ACAD11: variants seen among roughly 807,000 people sequenced by gnomAD.
The protein encoded by ACAD11 is acyl-CoA dehydrogenase family member 11, also known as acyl-Coenzyme A dehydrogenase family, member 11.
In ACAD11, 83 loss-of-function variants were observed where a neutral mutation model predicts 102.2. That is an observed-to-expected ratio of 0.81 (90% CI 0.68 to 0.97). The LOEUF (loss-of-function observed/expected upper bound fraction) is 0.97. Ranked by LOEUF, ACAD11 falls within the 50% of genes least tolerant of loss-of-function variation. The pLI is 0.00. For missense variants in ACAD11, 901 were observed against 951.7 expected (o/e 0.95, Z 0.70); for synonymous variants, 324 against 319.8 (o/e 1.01, Z -0.14).
At chr3:132,589,879 C>T (rs1305093013) in intron 13 of ACAD11, among the ~76,000 whole-genome samples, 2 of 152,136 alleles carry the variant, frequency 1.3e-5, no homozygotes, top group African/African-American at 4.8e-5. Flanking sequence ...CCTCCACCCT[C>T]AAGCAGACCT....
intron 17 of ACAD11, among the ~76,000 whole-genome samples, chr3:132,569,478 C>CT (rs1937314905): frequency 6.6e-6 from 1 of 152,104 alleles, no homozygotes. Flanking sequence ...GCATTTATCT[C>CT]TGAGAAACGA....
At chr3:132,626,892 G>T in intron 8 of ACAD11, 75 bp from the exon 9 acceptor site, 1 of 1,449,468 alleles carries the variant, frequency 6.9e-7, no homozygotes. Flanking sequence ...CTAATATAAT[G>T]TGAAGTTTCC....
chr3:132,648,225 G>A (rs983636962), intron 1 of ACAD11, among the ~76,000 whole-genome samples: 2 of 152,106 alleles, frequency 1.3e-5, no homozygotes, highest in Non-Finnish European at 2.9e-5. Flanking sequence ...CCAAAGCTAT[G>A]CCTTTCCACC....
intron 15 of ACAD11, among the ~76,000 whole-genome samples, chr3:132,577,623 G>A (rs896784156): frequency 1.3e-5 from 2 of 152,072 alleles, no homozygotes; most frequent in Non-Finnish European, 2.9e-5. Flanking sequence ...CCAGGAACAC[G>A]TTCACATTTT....
At chr3:132,624,993 T>G (rs1939757304) in intron 9 of ACAD11, among the ~76,000 whole-genome samples, 1 of 152,172 alleles carries the variant, frequency 6.6e-6, no homozygotes, top group Non-Finnish European at 1.5e-5. Flanking sequence ...CCATTTGCAT[T>G]TTTTGGAGTG....
In ACAD11 at chr3:132,641,572, A is replaced by T. The variant is rs112919976; in HGVS notation, c.537+400T>A. ...ATGATGATGATGATGAAGAAGAAGA[A>T]GAAGAAGAAGAAGAAGAAGAAGAAG... On this transcript the variant is annotated intron_variant, in intron 4 of 19. Transcript: ENST00000264990. 6.6e-3 allele frequency among the ~76,000 whole-genome samples: 905 copies of T among 136,846 alleles called. 13 individuals are homozygous for T. The highest frequency in any genetic ancestry group is 0.016 in the African/African-American group (529 of 32,146). 89.8% of individuals were successfully genotyped at this position (136,846 alleles called of 152,430 possible). A position where few individuals can be genotyped will look rare whatever the true frequency, so the allele number is the denominator to read the frequency against.
intron 4 of ACAD11, 113 bp from the exon 5 acceptor site, chr3:132,639,769 C>A: frequency 1.0e-6 from 1 of 956,472 alleles, no homozygotes; most frequent in Non-Finnish European, 1.6e-6. Context: ...TACTTAAGAC[C>A]CATGCTGGTG....
rs111404721 is a variant in ACAD11 at position 132,602,975 on chromosome 3, G to T, written c.1621+254C>A. ...CTGTCACCACACCTGGCTAATTTTT[G>T]TATTTTTAGTAGAGACAGGGCTTCA... On this transcript the variant is annotated intron_variant, in intron 13 of 19. Transcript: ENST00000264990. Among the ~76,000 whole-genome samples, 1,071 of 152,044 alleles carry T rather than the reference G, an allele frequency of 7.0e-3. 5 individuals are homozygous for T. The highest frequency in any genetic ancestry group is 0.012 in the Non-Finnish European group (830 of 67,968).
At chr3:132,570,344 A>T (rs1230657524) in intron 17 of ACAD11, among the ~76,000 whole-genome samples, 2 of 152,138 alleles carry the variant, frequency 1.3e-5, no homozygotes, top group Non-Finnish European at 2.9e-5. Context: ...AATTCTAAAC[A>T]CAGAATTGGT....
rs1443049752 is a variant in ACAD11, at chr3:132,605,176, A to G, written c.1444T>C (p.Tyr482His). The G allele has an allele frequency of 2.5e-6, 4 of 1,613,270 alleles. No individual in the cohort carries two copies. The East Asian group carries it at 8.9e-5, about 36-fold the overall frequency. Residue 482 changes from tyrosine (Y) to histidine (H), a missense_variant, in exon 12 of 20, where the codon TAT becomes CAT. Transcript: ENST00000264990. ...TGTTTCTTCTGTTCCTCACTTCCAT[A>G]CAGGTGCAGAACCTCCATATTCCCT... Reference protein sequence around the residue: ...DTGNMEVLHLYGSEEQKKQWL... With the variant: ...DTGNMEVLHLHGSEEQKKQWL...
intron 1 of ACAD11, among the ~76,000 whole-genome samples, 175 bp from the exon 2 acceptor site, chr3:132,645,071 G>T (rs1940668333): frequency 6.6e-6 from 1 of 152,200 alleles, no homozygotes; most frequent in Admixed American, 6.5e-5. Flanking sequence ...TATTAAAGCA[G>T]ATGGCAACAT....
intron 17 of ACAD11, among the ~76,000 whole-genome samples, chr3:132,568,142 G>A (rs761782612): frequency 6.6e-6 from 1 of 152,046 alleles, no homozygotes; most frequent in Non-Finnish European, 1.5e-5. Context: ...CTGGAGAATC[G>A]CTTGAACCCA....
At chr3:132,653,631 ACTC>A (rs60961959) in intron 1 of ACAD11, among the ~76,000 whole-genome samples, 16,088 of 152,038 alleles carry the variant, frequency 0.11, 1,397 homozygotes, top group East Asian at 0.53. Flanking sequence ...TCGTAGAAAA[ACTC>A]CTCAAGAGAT....
chr3:132,587,213 A>G (rs1429956239), intron 13 of ACAD11, among the ~76,000 whole-genome samples: 1 of 152,246 alleles, frequency 6.6e-6, no homozygotes, highest in East Asian at 1.9e-4. Context: ...TAGCAGTTTT[A>G]GAATTTTTAG....
chr3:132,607,545 T>C, intron 11 of ACAD11, among the ~76,000 whole-genome samples: 1 of 151,988 alleles, frequency 6.6e-6, no homozygotes, highest in Non-Finnish European at 1.5e-5. Flanking sequence ...ATCAACTTAA[T>C]GAAATAAAGC....
intron 11 of ACAD11, among the ~76,000 whole-genome samples, chr3:132,613,398 A>T (rs1218482961): frequency 1.5e-5 from 2 of 136,072 alleles, no homozygotes; most frequent in Non-Finnish European, 3.1e-5. Context: ...TAACTAAATA[A>T]AAATAATATT....
chr3:132,602,990 A>G (rs1938681368), intron 13 of ACAD11, among the ~76,000 whole-genome samples: 1 of 152,034 alleles, frequency 6.6e-6, no homozygotes, highest in African/African-American at 2.4e-5. Flanking sequence ...TTTAGTAGAG[A>G]CAGGGCTTCA....
Position 132,558,882 on chromosome 3 carries a change from C to A in ACAD11, c.*89G>T. The A allele has an allele frequency of 1.1e-6, 1 of 944,386 alleles. No homozygotes were observed. 58.5% of individuals were successfully genotyped at this position (944,386 alleles called of 1,614,324 possible). A position where few individuals can be genotyped will look rare whatever the true frequency, so the allele number is the denominator to read the frequency against. Reference sequence around the variant, plus strand: ...AATAATTAACCCTGTGCTCAAACTGCTACAAAAATATGAGATTCAAATGTT... The same window carrying A: ...AATAATTAACCCTGTGCTCAAACTGATACAAAAATATGAGATTCAAATGTT... On this transcript the variant is annotated 3_prime_UTR_variant, in exon 20 of 20. Coordinates refer to ENST00000264990, the MANE Select transcript of ACAD11 (RefSeq NM_032169.5).
rs550691843 is a variant in ACAD11 at position 132,559,094 on chromosome 3, G to C, written c.2229-9C>G. On this transcript the variant is annotated splice_polypyrimidine_tract_variant and intron_variant, in intron 19 of 19. Transcript: ENST00000264990. ...CTCGGGTTATAGCATACCTGAAAAA[G>C]CAAAAGAATCAGGGAACACAGGGAG... 5.0e-6 allele frequency: 8 copies of C among 1,595,604 alleles called. No individual in the cohort carries two copies. The East Asian group carries it at 1.8e-4, about 36-fold the overall frequency.
Sources: allele counts gnomAD v4.1 joint callset (sites outside exome capture counted in the v4.1 genomes callset), GRCh38; gene constraint gnomAD v4.1.1; transcripts MANE v1.5; gene names NCBI Gene and HGNC (gene_info 2026-07-23, HGNC 2026-07-21).